The following XKR6 variants were observed in gnomAD, a reference collection of about 807,000 sequenced individuals.
XKR6 encodes the protein XK-related protein 6.
A neutral mutation model predicts 56.7 loss-of-function variants in XKR6; 22 were observed. The observed-to-expected ratio is 0.39, with a 90% confidence interval of 0.28 to 0.55. The LOEUF (loss-of-function observed/expected upper bound fraction) is 0.55, where lower values mean the gene tolerates loss of function less well. XKR6 is among the 20% of genes least tolerant of loss of function. The probability of loss-of-function intolerance (pLI) is 0.66; values close to 1 mark genes in which losing one functional copy is unlikely to be tolerated. For missense variants in XKR6, 852 were observed against 889.0 expected, an observed-to-expected ratio of 0.96 and a Z score of 0.53; for synonymous variants, 524 against 387.8, an observed-to-expected ratio of 1.35 and a Z score of -4.13.
chr8:10,943,097 A>G (rs1052167376), intron 1 of XKR6, among the ~76,000 whole-genome samples: 17 of 152,012 alleles, frequency 1.1e-4, no homozygotes, highest in South Asian at 2.1e-4. Context: ...CCTGCCATTC[A>G]CTCTGCCCAG....
chr8:10,942,585 C>T (rs1256562811), intron 1 of XKR6, among the ~76,000 whole-genome samples: 1 of 152,250 alleles, frequency 6.6e-6, no homozygotes, highest in Non-Finnish European at 1.5e-5. Flanking sequence ...CTGTTGGACT[C>T]ACCTCAGAGA....
At chr8:11,070,122 T>C (rs1000402712) in intron 1 of XKR6, among the ~76,000 whole-genome samples, 1 of 152,164 alleles carries the variant, frequency 6.6e-6, no homozygotes, top group Non-Finnish European at 1.5e-5. Context: ...AACACAGATG[T>C]GTGAGAAATA....
chr8:11,062,680 G>C (rs1180635501), intron 1 of XKR6: 1 of 452,554 alleles, frequency 2.2e-6, no homozygotes, highest in Non-Finnish European at 4.4e-6. Flanking sequence ...AATGTGATCT[G>C]GTTTTTAGTT....
At chr8:11,193,961 G>C (rs1193522290) in intron 1 of XKR6, among the ~76,000 whole-genome samples, 1 of 152,062 alleles carries the variant, frequency 6.6e-6, no homozygotes, top group Non-Finnish European at 1.5e-5. Flanking sequence ...TTCTCAGTAG[G>C]TTTAGTCTGC....
chr8:10,922,511 A>G (rs1246740460), intron 2 of XKR6, among the ~76,000 whole-genome samples: 1 of 152,236 alleles, frequency 6.6e-6, no homozygotes, highest in Non-Finnish European at 1.5e-5. Flanking sequence ...CATTTCAAAG[A>G]CATCCCTATG....
rs75369873 is a variant in XKR6, at chr8:11,096,729, G to C, written c.764+103847C>G. Among the ~76,000 whole-genome samples, 847 of 152,358 alleles carry C rather than the reference G, an allele frequency of 5.6e-3. 7 individuals are homozygous for C. The highest frequency in any genetic ancestry group is 0.019 in the African/African-American group (802 of 41,580). Reference sequence around the variant, plus strand: ...AGGACAGGCAGGCCTCCTGCCAACAGCTGGGTCCTTGGGCTCCAGCCGACA... The same window carrying C: ...AGGACAGGCAGGCCTCCTGCCAACACCTGGGTCCTTGGGCTCCAGCCGACA... On this transcript the variant is annotated intron_variant, in intron 1 of 2. Transcript: ENST00000416569.
chr8:11,116,259 T>A (rs1455190414), intron 1 of XKR6, among the ~76,000 whole-genome samples: 1 of 152,212 alleles, frequency 6.6e-6, no homozygotes, highest in East Asian at 1.9e-4. Flanking sequence ...AACTAATTCA[T>A]AGATACCCTT....
chr8:10,900,180 C>G (rs1021443462), intron 2 of XKR6, among the ~76,000 whole-genome samples: 1 of 152,178 alleles, frequency 6.6e-6, no homozygotes, highest in African/African-American at 2.4e-5. Context: ...CAATTCCCCC[C>G]ACGACATTCT....
chr8:11,096,487 C>A (rs965530521), intron 1 of XKR6, among the ~76,000 whole-genome samples: 2 of 152,178 alleles, frequency 1.3e-5, no homozygotes, highest in African/African-American at 4.8e-5. Flanking sequence ...TAACAAAACA[C>A]CATTAGAATA....
chr8:11,078,783 C>G (rs1800339692), intron 1 of XKR6, among the ~76,000 whole-genome samples: 1 of 152,178 alleles, frequency 6.6e-6, no homozygotes, highest in Non-Finnish European at 1.5e-5. Flanking sequence ...GACAGTGACG[C>G]CAACCCATCC....
chr8:11,142,912 T>A (rs1212526904), intron 1 of XKR6, among the ~76,000 whole-genome samples: 1 of 152,156 alleles, frequency 6.6e-6, no homozygotes, highest in Non-Finnish European at 1.5e-5. Context: ...ACGATTTTTT[T>A]AAAAAAGAAA....
At chr8:10,920,826 G>A (rs114859679) in intron 2 of XKR6, among the ~76,000 whole-genome samples, 461 of 152,340 alleles carry the variant, frequency 3.0e-3, no homozygotes, top group African/African-American at 0.011. Context: ...GACAAGGATG[G>A]CCACTGGCCT....
chr8:11,043,557 C>T (rs1257776592), intron 1 of XKR6, among the ~76,000 whole-genome samples: 1 of 152,250 alleles, frequency 6.6e-6, no homozygotes, highest in African/African-American at 2.4e-5. Context: ...CCCTGGAGGG[C>T]AGGCACTGGG....
chr8:10,952,795 A>C (rs1396333971), intron 1 of XKR6, among the ~76,000 whole-genome samples: 1 of 151,536 alleles, frequency 6.6e-6, no homozygotes. Context: ...AGGGCTCCCA[A>C]CCCCCGGGCC....
intron 2 of XKR6, among the ~76,000 whole-genome samples, chr8:10,917,278 C>T (rs1488022354): frequency 6.6e-6 from 1 of 152,174 alleles, no homozygotes; most frequent in Non-Finnish European, 1.5e-5. Context: ...GGGCAACTTC[C>T]TTCCCTCTCT....
At position 11,187,218 on chromosome 8, in the gene XKR6, T is replaced by C. The variant is rs150000212; in HGVS notation, c.764+13358A>G. 2.3e-3 allele frequency among the ~76,000 whole-genome samples: 352 copies of C among 152,344 alleles called. 2 individuals are homozygous for C. The highest frequency in any genetic ancestry group is 8.0e-3 in the African/African-American group (334 of 41,584). On this transcript the variant is annotated intron_variant, in intron 1 of 2. Coordinates refer to ENST00000416569, the MANE Select transcript of XKR6 (RefSeq NM_173683.4). Reference sequence around the variant, plus strand: ...AAATTATAGCATCCCACCCTATGGCTAGGTTTTGGAGGCAGAATGTAAAAG... The same window carrying C: ...AAATTATAGCATCCCACCCTATGGCCAGGTTTTGGAGGCAGAATGTAAAAG...
chr8:11,091,103 G>A (rs1468864039), intron 1 of XKR6, among the ~76,000 whole-genome samples: 2 of 152,112 alleles, frequency 1.3e-5, no homozygotes, highest in African/African-American at 2.4e-5. Flanking sequence ...GGAATGGCAT[G>A]AAAGGAACCA....
intron 1 of XKR6, among the ~76,000 whole-genome samples, chr8:11,197,143 G>C (rs868681630): frequency 3.9e-5 from 6 of 152,282 alleles, no homozygotes; most frequent in Middle Eastern, 3.4e-3. Flanking sequence ...ACAAGATAAA[G>C]AACCACTGAC....
chr8:10,925,411 C>T (rs992078168), intron 1 of XKR6, among the ~76,000 whole-genome samples: 1 of 152,174 alleles, frequency 6.6e-6, no homozygotes, highest in African/African-American at 2.4e-5. Context: ...AGGCTCCTGT[C>T]GCCGGATAGT....
Sources: gnomAD v4.1 joint callset for allele counts (sites outside exome capture counted in the v4.1 genomes callset) on GRCh38, gnomAD v4.1.1 for gene constraint, MANE v1.5 for transcripts, NCBI Gene and HGNC (gene_info 2026-07-23, HGNC 2026-07-21) for gene names.